Variants in MAP2K5 observed in about 807,000 individuals in gnomAD.
MAP2K5 encodes the protein mitogen-activated protein kinase kinase 5.
Under a neutral mutation model 83.1 loss-of-function variants are expected in MAP2K5, and 49 were observed. The ratio of observed to expected loss-of-function variants is 0.59; its 90% confidence interval spans 0.47 to 0.75. The LOEUF (loss-of-function observed/expected upper bound fraction) is 0.75, where lower values mean the gene tolerates loss of function less well. MAP2K5 is among the 30% of genes least tolerant of loss of function. The pLI, the probability that MAP2K5 is intolerant of heterozygous loss-of-function variation, is 0.00. For synonymous variants in MAP2K5, 202 were observed against 191.8 expected (o/e 1.05, Z -0.44); for missense variants, 457 against 557.5 (o/e 0.82, Z 1.82).
At position 67,780,884 on chromosome 15, in the gene MAP2K5, C is replaced by T. The variant is rs893597603; in HGVS notation, c.1242+8132C>T. Among the ~76,000 whole-genome samples the T allele has an allele frequency of 5.9e-5, 9 of 152,158 alleles. No homozygotes were observed. Among genetic ancestry groups the T allele is most frequent in the Non-Finnish European group, 1.0e-4 (7 of 68,018 alleles). ...GAGGTGCTGACCAGGTGGTGATCAG[C>T]AGCACATATGATCTTTGGTATGCAT... On this transcript the variant is annotated intron_variant, in intron 21 of 21. Transcript: ENST00000178640. This position sits in a 1 kb window ranked among gnomAD's most constrained non-coding sequence, Gnocchi z 5.0.
chr15:67,715,244 G>A (rs3784698), intron 16 of MAP2K5, among the ~76,000 whole-genome samples: 1 of 150,316 alleles, frequency 6.7e-6, no homozygotes, highest in East Asian at 2.0e-4. Flanking sequence ...GGAGGGGGGG[G>A]GTCTAAAATT....
At chr15:67,680,044 C>T (rs1463847829) in intron 13 of MAP2K5, 2 of 152,206 alleles carry the variant, frequency 1.3e-5, no homozygotes, top group Non-Finnish European at 2.9e-5. Context: ...TTTGCCTTTT[C>T]TGGACATTTT....
intron 16 of MAP2K5, among the ~76,000 whole-genome samples, chr15:67,715,105 G>A (rs1036574392): frequency 3.9e-5 from 6 of 152,092 alleles, no homozygotes; most frequent in Non-Finnish European, 7.3e-5. Context: ...CTTGTCATGG[G>A]TCCTCCCCTC....
At chr15:67,558,472 T>C (rs1596556252) in intron 2 of MAP2K5, among the ~76,000 whole-genome samples, 1 of 152,290 alleles carries the variant, frequency 6.6e-6, no homozygotes, top group Non-Finnish European at 1.5e-5. Flanking sequence ...CAGCCTCTTT[T>C]CCACATGGCA....
chr15:67,545,786 A>G lies in MAP2K5; in HGVS notation c.135+2316A>G, dbSNP rs75136536. Among the ~76,000 whole-genome samples, 1,250 of 152,252 alleles carry G rather than the reference A, an allele frequency of 8.2e-3. 17 individuals carry two copies. The highest frequency in any genetic ancestry group is 0.028 in the African/African-American group (1,183 of 41,530). ...TTGGGGAGGGGTGAAAGTAATGCCT[A>G]CCTCCTAGAGTTCTGAGGACTCCTT... On this transcript the variant is annotated intron_variant, in intron 1 of 21. Coordinates refer to ENST00000178640, the MANE Select transcript of MAP2K5 (RefSeq NM_145160.3).
Position 67,665,536 on chromosome 15 carries a change from CT to C in MAP2K5, c.847+892del, listed in dbSNP as rs1191324212. On this transcript the variant is annotated intron_variant, in intron 13 of 21. Transcript: ENST00000178640. The surrounding 1 kb of genome is among the most constrained non-coding windows in gnomAD (Gnocchi z 4.2). ...ATAAACTGTGAGATGGAGAAAACAA[CT>C]GATATTTTCAACTGTGATGTCATAT... Among the ~76,000 whole-genome samples the C allele has an allele frequency of 1.3e-5, 2 of 152,156 alleles. No homozygotes were observed. Among genetic ancestry groups the C allele is most frequent in the African/African-American group, 4.8e-5 (2 of 41,422 alleles).
At chr15:67,564,733 G>A (rs923032936) in intron 3 of MAP2K5, among the ~76,000 whole-genome samples, 2 of 152,146 alleles carry the variant, frequency 1.3e-5, no homozygotes, top group African/African-American at 4.8e-5. Context: ...TGATAGATTG[G>A]CTAACTCTCC....
rs577844824 is a variant in MAP2K5 at position 67,719,718 on chromosome 15, A to G, written c.1045-8198A>G. On this transcript the variant is annotated intron_variant, in intron 16 of 21. Transcript: ENST00000178640. The surrounding 1 kb of genome is among the most constrained non-coding windows in gnomAD (Gnocchi z 4.6). ...GAAAGAATAGGTAGGCTGGAAATCT[A>G]TCTACTCATCTGTTGCAACATCTCA... Among the ~76,000 whole-genome samples the G allele has an allele frequency of 2.6e-4, 40 of 152,346 alleles. No homozygotes were observed. The highest frequency in any genetic ancestry group is 8.7e-4 in the African/African-American group (36 of 41,582).
chr15:67,636,543 C>T lies in MAP2K5; in HGVS notation c.585+5616C>T, dbSNP rs1026853487. 1.3e-5 allele frequency among the ~76,000 whole-genome samples: 2 copies of T among 151,470 alleles called. No individual in the cohort carries two copies. Among genetic ancestry groups the T allele is most frequent in the Non-Finnish European group, 2.9e-5 (2 of 67,884 alleles). On this transcript the variant is annotated intron_variant, in intron 9 of 21. Transcript: ENST00000178640. The surrounding 1 kb of genome is among the most constrained non-coding windows in gnomAD (Gnocchi z 4.7). ...TCCTCACTTTGGGTTGTATTTTTCACTTTTTTTTCATATCTTATAATTTTT... is the reference window on the plus strand; with the variant it reads ...TCCTCACTTTGGGTTGTATTTTTCATTTTTTTTTCATATCTTATAATTTTT...
Position 67,777,634 on chromosome 15 carries a change from T to C in MAP2K5, c.1242+4882T>C, listed in dbSNP as rs2090262837. ...GATATTGCAGAGGAGTTTGATTTACTAATAGTTATTATCTGTTCTAGCTGT... is the reference window on the plus strand; with the variant it reads ...GATATTGCAGAGGAGTTTGATTTACCAATAGTTATTATCTGTTCTAGCTGT... On this transcript the variant is annotated intron_variant, in intron 21 of 21. Coordinates refer to ENST00000178640, the MANE Select transcript of MAP2K5 (RefSeq NM_145160.3). This position sits in a 1 kb window ranked among gnomAD's most constrained non-coding sequence, Gnocchi z 6.0. Among the ~76,000 whole-genome samples, 1 of 152,272 alleles carries C rather than the reference T, an allele frequency of 6.6e-6. No individual in the cohort carries two copies. The highest frequency in any genetic ancestry group is 1.5e-5 in the Non-Finnish European group (1 of 68,052).
intron 16 of MAP2K5, among the ~76,000 whole-genome samples, chr15:67,704,012 T>C (rs2088489081): frequency 6.6e-6 from 1 of 152,168 alleles, no homozygotes; most frequent in African/African-American, 2.4e-5. Context: ...ACAATTGCAA[T>C]ATCAACTCTT....
chr15:67,727,954 G>A lies in MAP2K5; in HGVS notation c.1074+9G>A, dbSNP rs750398026. 1 of 1,609,134 alleles carries A rather than the reference G, an allele frequency of 6.2e-7. No homozygotes were observed. The highest frequency in any genetic ancestry group is 1.1e-5 in the South Asian group (1 of 90,958). On this transcript the variant is annotated intron_variant, in intron 17 of 21. Coordinates refer to ENST00000178640, the MANE Select transcript of MAP2K5 (RefSeq NM_145160.3). ...GGTTTCCATATCCTCAGGTAAGATTGTTCATTACTGCTGTTTGCCACTGTG... is the reference window on the plus strand; with the variant it reads ...GGTTTCCATATCCTCAGGTAAGATTATTCATTACTGCTGTTTGCCACTGTG...
intron 12 of MAP2K5, among the ~76,000 whole-genome samples, chr15:67,662,120 A>G (rs2087253633): frequency 6.6e-6 from 1 of 152,148 alleles, no homozygotes; most frequent in African/African-American, 2.4e-5. Flanking sequence ...ACAAACATAT[A>G]CTAGAATTGA....
chr15:67,630,459 T>C (rs898285380), intron 8 of MAP2K5, among the ~76,000 whole-genome samples: 1 of 151,022 alleles, frequency 6.6e-6, no homozygotes, highest in Admixed American at 6.6e-5. Flanking sequence ...GCAAAAAAAA[T>C]GGGAAAAAAA....
chr15:67,679,834 T>C (rs1445186552), intron 13 of MAP2K5: 3 of 152,242 alleles, frequency 2.0e-5, no homozygotes, highest in South Asian at 2.1e-4. Context: ...TTTATTGATA[T>C]ATAATTTGCA....
At chr15:67,631,171 C>A (rs1018117601) in intron 9 of MAP2K5, among the ~76,000 whole-genome samples, 1 of 152,188 alleles carries the variant, frequency 6.6e-6, no homozygotes, top group Non-Finnish European at 1.5e-5. Flanking sequence ...AAATTTCTTT[C>A]TGTGTCCCCT....
intron 1 of MAP2K5, among the ~76,000 whole-genome samples, chr15:67,547,171 C>T (rs1242714536): frequency 6.6e-6 from 1 of 151,478 alleles, no homozygotes; most frequent in Non-Finnish European, 1.5e-5. Flanking sequence ...ATACTATTGG[C>T]TGTTTATGTC....
chr15:67,679,459 T>C (rs965916269), intron 13 of MAP2K5, among the ~76,000 whole-genome samples: 3 of 152,154 alleles, frequency 2.0e-5, no homozygotes, highest in African/African-American at 7.2e-5. Flanking sequence ...CTATGGTTGG[T>C]GGACCAAATT....
Position 67,703,560 on chromosome 15 carries a change from G to T in MAP2K5, c.1044+152G>T. ...TTGACCATAAAGTCTTTGATTCCTT[G>T]TGTGGCTTGTGAACTGACTCTGGAG... On this transcript the variant is annotated intron_variant, in intron 16 of 21. Coordinates refer to ENST00000178640, the MANE Select transcript of MAP2K5 (RefSeq NM_145160.3). The T allele has an allele frequency of 6.5e-6, 4 of 612,300 alleles. No homozygotes were observed. In the South Asian group the frequency reaches 8.3e-5, roughly 13 times the overall value. 37.9% of individuals were successfully genotyped at this position (612,300 alleles called of 1,614,324 possible). A position where few individuals can be genotyped will look rare whatever the true frequency, so the allele number is the denominator to read the frequency against.
Sources: gnomAD v4.1 joint callset for allele counts (sites outside exome capture counted in the v4.1 genomes callset) on GRCh38, gnomAD v4.1.1 for gene constraint, Gnocchi (gnomAD v3.1) non-coding constraint, MANE v1.5 for transcripts, NCBI Gene and HGNC (gene_info 2026-07-23, HGNC 2026-07-21) for gene names.